The following DPP6 variants were observed in gnomAD, a reference collection of about 807,000 sequenced individuals.
DPP6 encodes the protein A-type potassium channel modulatory protein DPP6.
In DPP6, 69 loss-of-function variants were observed where a neutral mutation model predicts 122.6. The ratio of observed to expected loss-of-function variants is 0.56; its 90% CI spans 0.46 to 0.69. The LOEUF (loss-of-function observed/expected upper bound fraction) is 0.69, where lower values mean the gene tolerates loss of function less well. Ranked by LOEUF, DPP6 falls within the 30% of genes least tolerant of loss-of-function variation. DPP6 has a pLI of 0.00. For missense variants in DPP6, 928 were observed against 1,116.9 expected (o/e 0.83, Z 2.41); for synonymous variants, 418 against 433.1 (o/e 0.97, Z 0.43).
In DPP6 at chr7:154,194,088, C is replaced by G. The variant is rs528765935; in HGVS notation, c.243+141025C>G. Among the ~76,000 whole-genome samples the G allele has an allele frequency of 4.1e-4, 62 of 152,290 alleles. 1 individual carries two copies. The highest frequency in any genetic ancestry group is 1.5e-3 in the African/African-American group (61 of 41,558). Reference sequence around the variant, plus strand: ...TTCAGAGAAAAACTGCCTATAGCCCCAAGGTATTCCTTACTTTGACAAAAT... The same window carrying G: ...TTCAGAGAAAAACTGCCTATAGCCCGAAGGTATTCCTTACTTTGACAAAAT... On this transcript the variant is annotated intron_variant, in intron 1 of 25. Coordinates refer to ENST00000377770, the MANE Select transcript of DPP6 (RefSeq NM_130797.4).
intron 7 of DPP6, 24 bp downstream of exon 7, chr7:154,669,465 TA>T (rs779783497): frequency 6.5e-7 from 1 of 1,548,486 alleles, no homozygotes; most frequent in South Asian, 1.2e-5. Flanking sequence ...GTTCAGTAAC[TA>T]TACTTGGGTT....
chr7:154,772,538 C>T (rs1587091685), intron 9 of DPP6, among the ~76,000 whole-genome samples: 1 of 152,166 alleles, frequency 6.6e-6, no homozygotes. Flanking sequence ...TTCTCCCCCA[C>T]TCCTCTTCTC....
rs1202591412 is a variant in DPP6, at chr7:154,151,895, G to T, written c.243+98832G>T. On this transcript the variant is annotated intron_variant, in intron 1 of 25. Transcript: ENST00000377770. ...AGGAGGCAGGCATGCTTTTAAAGAG[G>T]CTTTTCCATCACCTTTGAGCATCAC... is the stretch of plus-strand genomic sequence containing the variant. Among the ~76,000 whole-genome samples, 5 of 151,754 alleles carry T rather than the reference G, an allele frequency of 3.3e-5. No homozygotes were observed. In the East Asian group the frequency reaches 9.7e-4, roughly 29 times the overall value.
chr7:154,386,674 C>T (rs958980562), intron 1 of DPP6, among the ~76,000 whole-genome samples: 4 of 152,116 alleles, frequency 2.6e-5, no homozygotes, highest in African/African-American at 9.7e-5. Context: ...CACTGGATTA[C>T]CCTGTTTCAT....
rs185650023 is a variant in DPP6 at position 154,805,851 on chromosome 7, A to G, written c.1547+887A>G. 1.6e-3 allele frequency among the ~76,000 whole-genome samples: 238 copies of G among 152,298 alleles called. 1 individual carries two copies. Among genetic ancestry groups the G allele is most frequent in the African/African-American group, 5.5e-3 (227 of 41,550 alleles). On this transcript the variant is annotated intron_variant, in intron 15 of 25. Coordinates refer to ENST00000377770, the MANE Select transcript of DPP6 (RefSeq NM_130797.4). The stretch of plus-strand genomic sequence containing the variant: ...TCTGCTGCCTCCCCCGTGCCTCTGC[A>G]TGGGATGGCTGCAGCCAGTTACACC...
At chr7:153,891,456 G>A (rs568500155) in intron 1 of DPP6, among the ~76,000 whole-genome samples, 9 of 152,070 alleles carry the variant, frequency 5.9e-5, no homozygotes, top group Admixed American at 1.3e-4. Context: ...TTACTTGCTC[G>A]AAACAAAAAT....
intron 1 of DPP6, among the ~76,000 whole-genome samples, chr7:154,077,235 G>T (rs1563174283): frequency 6.6e-6 from 1 of 152,142 alleles, no homozygotes; most frequent in Admixed American, 6.5e-5. Flanking sequence ...TAACTTTGTA[G>T]TTGGATGGGT....
chr7:154,709,521 G>A lies in DPP6; in HGVS notation c.763-18246G>A, dbSNP rs144758830. Among the ~76,000 whole-genome samples, 235 of 151,614 alleles carry A rather than the reference G, an allele frequency of 1.5e-3. 2 individuals are homozygous for A. Among genetic ancestry groups the A allele is most frequent in the African/African-American group, 5.1e-3 (212 of 41,374 alleles). On this transcript the variant is annotated intron_variant, in intron 7 of 25. Coordinates refer to ENST00000377770, the MANE Select transcript of DPP6 (RefSeq NM_130797.4). ...AGGCAGGAGCCACCATGCTCAGCTC[G>A]AAGTTTATTTTAAGGTGGTATTTTG...
intron 10 of DPP6, among the ~76,000 whole-genome samples, chr7:154,790,196 T>TA (rs963066631): frequency 7.9e-5 from 12 of 152,138 alleles, no homozygotes; most frequent in Non-Finnish European, 7.3e-5. Flanking sequence ...AGACTCCGTC[T>TA]AAAAAACATA....
intron 5 of DPP6, among the ~76,000 whole-genome samples, chr7:154,611,853 A>ATGTGTGTG (rs556116932): frequency 7.8e-4 from 116 of 147,932 alleles, no homozygotes; most frequent in African/African-American, 2.9e-3. Context: ...TTGCTTTCAT[A>ATGTGTGTG]TATGTGTGTG....
chr7:154,195,755 T>G (rs905051107), intron 1 of DPP6, among the ~76,000 whole-genome samples: 4 of 152,224 alleles, frequency 2.6e-5, no homozygotes, highest in African/African-American at 9.6e-5. Context: ...CAAAAAATTC[T>G]GTTATGCCAC....
chr7:154,368,194 C>T (rs954769772), intron 1 of DPP6, among the ~76,000 whole-genome samples: 1 of 152,140 alleles, frequency 6.6e-6, no homozygotes, highest in Admixed American at 6.5e-5. Context: ...TAGCGTAAAC[C>T]ACAAACATGA....
At chr7:154,759,743 G>A (rs1248153206) in intron 8 of DPP6, among the ~76,000 whole-genome samples, 2 of 152,224 alleles carry the variant, frequency 1.3e-5, no homozygotes, top group Admixed American at 6.5e-5. Flanking sequence ...GCCAGATAGC[G>A]TGTCTCCAAT....
Position 154,157,020 on chromosome 7 carries a change from T to C in DPP6, c.243+103957T>C, listed in dbSNP as rs1433660469. Among the ~76,000 whole-genome samples, 6 of 152,388 alleles carry C rather than the reference T, an allele frequency of 3.9e-5. No homozygotes were observed. The South Asian group carries it at 6.2e-4, about 16-fold the overall frequency. ...GCTTTATAATTTTGGGAGAGCAATT[T>C]AATTTAAAAGATATACCCTCACTGG... On this transcript the variant is annotated intron_variant, in intron 1 of 25. Coordinates refer to ENST00000377770, the MANE Select transcript of DPP6 (RefSeq NM_130797.4).
chr7:154,741,969 C>T (rs1362385968), intron 8 of DPP6, among the ~76,000 whole-genome samples: 1 of 152,232 alleles, frequency 6.6e-6, no homozygotes, highest in Non-Finnish European at 1.5e-5. Context: ...TATTCCAACA[C>T]CTGACAGTGG....
At chr7:154,260,645 T>C (rs1802949625) in intron 1 of DPP6, among the ~76,000 whole-genome samples, 1 of 149,460 alleles carries the variant, frequency 6.7e-6, no homozygotes, top group African/African-American at 2.4e-5. Flanking sequence ...TCCTTTTTTA[T>C]GGCTGAGTAG....
chr7:153,803,788 A>G, the DPP6 span, among the ~76,000 whole-genome samples: 1 of 151,030 alleles, frequency 6.6e-6, no homozygotes, highest in African/African-American at 2.4e-5. Context: ...GATATACACA[A>G]ACAGATAAGG....
chr7:154,826,438 T>C (rs913991854), intron 16 of DPP6, among the ~76,000 whole-genome samples: 11 of 152,174 alleles, frequency 7.2e-5, no homozygotes, highest in African/African-American at 2.7e-4. Flanking sequence ...TTCCCAACTG[T>C]CTCCTAGCTG....
chr7:154,397,160 A>G (rs1326329515), intron 1 of DPP6, among the ~76,000 whole-genome samples: 1 of 150,284 alleles, frequency 6.7e-6, no homozygotes, highest in Non-Finnish European at 1.5e-5. Flanking sequence ...GATTTATAAG[A>G]TAAATCTAAT....
Sources: gnomAD v4.1 joint callset for allele counts (sites outside exome capture counted in the v4.1 genomes callset) on GRCh38, gnomAD v4.1.1 for gene constraint, MANE v1.5 for transcripts, NCBI Gene and HGNC (gene_info 2026-07-23, HGNC 2026-07-21) for gene names.